The following CSNK2A2IP variants were observed in gnomAD, a reference collection of about 807,000 sequenced individuals.
CSNK2A2IP encodes casein kinase 2 subunit alpha' interacting protein.
the CSNK2A2IP span, among the ~76,000 whole-genome samples, chr3:88,371,268 T>C: frequency 6.6e-6 from 1 of 151,846 alleles, no homozygotes; most frequent in Non-Finnish European, 1.5e-5. Context: ...AAGCAGCTAT[T>C]ATAAGTTTTC....
chr3:88,351,954 C>T, the CSNK2A2IP span, among the ~76,000 whole-genome samples: 3 of 152,074 alleles, frequency 2.0e-5, no homozygotes, highest in South Asian at 2.1e-4. Flanking sequence ...TATCCATTTA[C>T]ATAGCATTAA....
chr3:88,449,875 A>G, the CSNK2A2IP span, among the ~76,000 whole-genome samples: 246 of 88,172 alleles, frequency 2.8e-3, 4 homozygotes, highest in African/African-American at 8.7e-3. Context: ...ATATATATAT[A>G]GAGAGAGAGA....
the CSNK2A2IP span, among the ~76,000 whole-genome samples, chr3:88,364,714 A>C: frequency 6.6e-6 from 1 of 152,148 alleles, no homozygotes; most frequent in Non-Finnish European, 1.5e-5. Context: ...TAATTCCCTG[A>C]GTTATATAAT....
At chr3:88,465,797 C>T in the CSNK2A2IP span, 1 of 1,231,560 alleles carries the variant, frequency 8.1e-7, no homozygotes, top group Admixed American at 4.2e-5. Flanking sequence ...AATCAAGCAG[C>T]CCTGAGTTTA....
chr3:88,351,261 G>C, the CSNK2A2IP span, among the ~76,000 whole-genome samples: 1 of 151,990 alleles, frequency 6.6e-6, no homozygotes, highest in African/African-American at 2.4e-5. Context: ...ATATTAAAAA[G>C]TATAGACTAG....
chr3:88,342,629 C>CT, the CSNK2A2IP span, among the ~76,000 whole-genome samples: 1,498 of 150,898 alleles, frequency 9.9e-3, 23 homozygotes, highest in African/African-American at 0.035. Context: ...ATACTCAGAA[C>CT]TTTTTTTGTC....
chr3:88,390,269 C>A, the CSNK2A2IP span, among the ~76,000 whole-genome samples: 5,723 of 152,214 alleles, frequency 0.038, 268 homozygotes, highest in African/African-American at 0.11. Context: ...AGAAAACCGT[C>A]CATGTAGCTT....
the CSNK2A2IP span, among the ~76,000 whole-genome samples, chr3:88,429,416 T>C: frequency 6.6e-6 from 1 of 152,194 alleles, no homozygotes; most frequent in African/African-American, 2.4e-5. Flanking sequence ...AGAGTTTCCC[T>C]TTTCCCAATT....
At chr3:88,449,089 C>A in the CSNK2A2IP span, among the ~76,000 whole-genome samples, 3 of 152,094 alleles carry the variant, frequency 2.0e-5, no homozygotes, top group African/African-American at 2.4e-5. Flanking sequence ...TCCCTCCCTG[C>A]CTCCCTTCTT....
the CSNK2A2IP span, among the ~76,000 whole-genome samples, chr3:88,375,085 T>C: frequency 6.6e-6 from 1 of 151,776 alleles, no homozygotes; most frequent in African/African-American, 2.4e-5. Flanking sequence ...CATAATTCTC[T>C]ATTCTAGTAT....
the CSNK2A2IP span, chr3:88,399,893 A>G: frequency 6.6e-6 from 1 of 152,268 alleles, no homozygotes; most frequent in African/African-American, 2.4e-5. Flanking sequence ...ACTGACCCAG[A>G]TTAGTAAAAT....
the CSNK2A2IP span, among the ~76,000 whole-genome samples, chr3:88,425,641 T>C: frequency 6.6e-6 from 1 of 152,154 alleles, no homozygotes; most frequent in Non-Finnish European, 1.5e-5. Context: ...TGAATGTTCT[T>C]TACTTTCTAT....
At chr3:88,455,223 G>A in the CSNK2A2IP span, among the ~76,000 whole-genome samples, 3 of 151,718 alleles carry the variant, frequency 2.0e-5, no homozygotes, top group Non-Finnish European at 4.4e-5. Flanking sequence ...ATTTATTTTG[G>A]TATATACCTA....
chr3:88,393,223 T>TGG, the CSNK2A2IP span, among the ~76,000 whole-genome samples: 1 of 152,218 alleles, frequency 6.6e-6, no homozygotes, highest in East Asian at 1.9e-4. Context: ...GCATTTCAGG[T>TGG]AAACTTACTC....
chr3:88,386,383 C>T, the CSNK2A2IP span, among the ~76,000 whole-genome samples: 1 of 152,194 alleles, frequency 6.6e-6, no homozygotes, highest in African/African-American at 2.4e-5. Context: ...GCCTCGGCCT[C>T]TCAAAATGCT....
the CSNK2A2IP span, among the ~76,000 whole-genome samples, chr3:88,347,171 A>G: frequency 1.3e-5 from 2 of 152,048 alleles, no homozygotes; most frequent in Non-Finnish European, 2.9e-5. Context: ...GTTGCTTCTT[A>G]TGGATGAGGA....
At chr3:88,358,735 G>C in the CSNK2A2IP span, among the ~76,000 whole-genome samples, 1 of 152,028 alleles carries the variant, frequency 6.6e-6, no homozygotes, top group Non-Finnish European at 1.5e-5. Flanking sequence ...AATTTGACTT[G>C]CTAGGATTTT....
chr3:88,361,368 A>G, the CSNK2A2IP span, among the ~76,000 whole-genome samples: 1 of 152,188 alleles, frequency 6.6e-6, no homozygotes, highest in Non-Finnish European at 1.5e-5. Context: ...TTTGAAAAAT[A>G]ACTTTGCCAG....
At chr3:88,377,073 T>A in the CSNK2A2IP span, among the ~76,000 whole-genome samples, 2,847 of 151,898 alleles carry the variant, frequency 0.019, 82 homozygotes, top group African/African-American at 0.063. Context: ...AATGGCCAAC[T>A]CACTTGATAT....
Sources: gnomAD v4.1 joint callset for allele counts (sites outside exome capture counted in the v4.1 genomes callset) on GRCh38, gnomAD v4.1.1 for gene constraint, MANE v1.5 for transcripts, NCBI Gene and HGNC (gene_info 2026-07-23, HGNC 2026-07-21) for gene names.